Variants in TRPM3 observed in about 807,000 individuals in gnomAD.
TRPM3 encodes the protein long transient receptor potential channel 3.
In TRPM3, 77 loss-of-function variants were observed where a neutral mutation model predicts 181.2. The ratio of observed to expected loss-of-function variants is 0.42; its 90% CI spans 0.35 to 0.51. The LOEUF (loss-of-function observed/expected upper bound fraction) is 0.51. Among genes scored for constraint, TRPM3 ranks in the 20% least tolerant of loss-of-function variants. The probability of loss-of-function intolerance (pLI) is 0.01; values close to 1 mark genes in which losing one functional copy is unlikely to be tolerated. For synonymous variants in TRPM3, 745 were observed against 796.4 expected, an observed-to-expected ratio of 0.94 and a Z score of 1.09; for missense variants, 1,759 against 2,196.7, an observed-to-expected ratio of 0.80 and a Z score of 3.98.
intron 1 of TRPM3, among the ~76,000 whole-genome samples, chr9:70,906,451 T>C (rs1232514845): frequency 1.3e-5 from 2 of 152,166 alleles, no homozygotes; most frequent in Admixed American, 6.5e-5. Flanking sequence ...TCCTGCTTGT[T>C]AAATTAGTGC....
intron 1 of TRPM3, among the ~76,000 whole-genome samples, chr9:71,299,327 T>A (rs1018377603): frequency 6.6e-6 from 1 of 152,214 alleles, no homozygotes; most frequent in Non-Finnish European, 1.5e-5. Context: ...AAGACTTAAC[T>A]CTGTGCCCAG....
At chr9:70,830,684 T>C (rs567588564) in intron 5 of TRPM3, among the ~76,000 whole-genome samples, 4 of 152,242 alleles carry the variant, frequency 2.6e-5, no homozygotes, top group Non-Finnish European at 4.4e-5. Flanking sequence ...TCTGAACATA[T>C]GAATTGTGGA....
chr9:71,356,291 C>A (rs117824798), intron 1 of TRPM3, among the ~76,000 whole-genome samples: 1,849 of 152,180 alleles, frequency 0.012, 12 homozygotes, highest in Non-Finnish European at 0.018. Context: ...ATTTCATCAT[C>A]CTGGTGTTAA....
chr9:70,653,982 T>C (rs1326480585), intron 9 of TRPM3, among the ~76,000 whole-genome samples: 1 of 152,118 alleles, frequency 6.6e-6, no homozygotes, highest in Admixed American at 6.5e-5. Context: ...CCTTGTACTG[T>C]GAGGAGATTT....
At chr9:70,619,653 G>A (rs751569805) in intron 16 of TRPM3, among the ~76,000 whole-genome samples, 4 of 151,628 alleles carry the variant, frequency 2.6e-5, no homozygotes, top group African/African-American at 7.3e-5. Context: ...GGGCTCAAAC[G>A]ATCCACACAC....
chr9:70,537,724 G>A (rs907894162), intron 25 of TRPM3, among the ~76,000 whole-genome samples: 1 of 152,164 alleles, frequency 6.6e-6, no homozygotes, highest in Non-Finnish European at 1.5e-5. Context: ...AAATGGAACA[G>A]TTCTTATTGA....
chr9:70,635,724 A>G (rs2057078693), intron 11 of TRPM3, among the ~76,000 whole-genome samples: 1 of 151,940 alleles, frequency 6.6e-6, no homozygotes, highest in African/African-American at 2.4e-5. Flanking sequence ...AGCCTCCCAA[A>G]GTGCTGGGAT....
chr9:71,089,771 CG>C (rs1289155274), intron 1 of TRPM3, among the ~76,000 whole-genome samples: 1 of 152,024 alleles, frequency 6.6e-6, no homozygotes, highest in Non-Finnish European at 1.5e-5. Flanking sequence ...GGCCACTCAG[CG>C]GATGTCCTGA....
At chr9:70,591,725 C>G (rs933738456) in intron 21 of TRPM3, among the ~76,000 whole-genome samples, 1 of 151,590 alleles carries the variant, frequency 6.6e-6, no homozygotes, top group African/African-American at 2.4e-5. Context: ...CAAAACAAAA[C>G]AACAACAACA....
At chr9:70,578,146 A>G (rs1311264468) in intron 22 of TRPM3, among the ~76,000 whole-genome samples, 1 of 152,150 alleles carries the variant, frequency 6.6e-6, no homozygotes, top group Non-Finnish European at 1.5e-5. Context: ...ATCAGTAAAT[A>G]TAACTATTGA....
intron 1 of TRPM3, among the ~76,000 whole-genome samples, chr9:71,281,269 G>C (rs1292438217): frequency 1.3e-5 from 2 of 152,322 alleles, no homozygotes; most frequent in East Asian, 1.9e-4. Flanking sequence ...ACGGGATAAA[G>C]AAGAGGCAAA....
chr9:70,957,262 C>A (rs190833079), intron 1 of TRPM3, among the ~76,000 whole-genome samples: 6 of 152,118 alleles, frequency 3.9e-5, no homozygotes, highest in African/African-American at 1.2e-4. Context: ...CTGCGCCTGG[C>A]CAACATTTTA....
chr9:70,998,887 T>C (rs147625920), intron 1 of TRPM3, among the ~76,000 whole-genome samples: 19 of 152,316 alleles, frequency 1.2e-4, no homozygotes, highest in African/African-American at 4.1e-4. Context: ...TTCTCCTCTC[T>C]TATCCCCTGC....
chr9:70,873,518 T>A (rs975407776), intron 1 of TRPM3, among the ~76,000 whole-genome samples: 3 of 152,022 alleles, frequency 2.0e-5, no homozygotes, highest in Non-Finnish European at 4.4e-5. Flanking sequence ...TTATTGATTA[T>A]TCCCCTCATG....
At chr9:70,585,375 TTA>T (rs1262763011) in intron 22 of TRPM3, among the ~76,000 whole-genome samples, 2 of 152,170 alleles carry the variant, frequency 1.3e-5, no homozygotes, top group African/African-American at 4.8e-5. Context: ...CATCATGGCA[TTA>T]ACCATCACGG....
chr9:71,020,931 G>A (rs2097842435), intron 1 of TRPM3, among the ~76,000 whole-genome samples: 1 of 152,116 alleles, frequency 6.6e-6, no homozygotes, highest in South Asian at 2.1e-4. Context: ...GTATAAGAAT[G>A]TTTATAGCAA....
rs1357612569 is a variant in TRPM3, at chr9:70,613,891, C to A, written c.2526+2017G>T. 2.0e-5 allele frequency among the ~76,000 whole-genome samples: 3 copies of A among 152,036 alleles called. No individual in the cohort carries two copies. The East Asian group carries it at 5.8e-4, about 29-fold the overall frequency. ...CTCCCTTTGCTTTCTTCCTTGAGAC[C>A]CAACCAGAGAGAATGCTGATTCAGT... On this transcript the variant is annotated intron_variant, in intron 18 of 25. Transcript: ENST00000677713.
chr9:70,763,943 A>C (rs562951538), intron 7 of TRPM3, among the ~76,000 whole-genome samples: 1 of 152,306 alleles, frequency 6.6e-6, no homozygotes, highest in South Asian at 2.1e-4. Flanking sequence ...GGGTTGGGTA[A>C]GAGAATTAAC....
At chr9:70,964,186 T>C (rs1222618348) in intron 1 of TRPM3, among the ~76,000 whole-genome samples, 3 of 152,138 alleles carry the variant, frequency 2.0e-5, no homozygotes, top group Non-Finnish European at 2.9e-5. Context: ...GATTAAGATA[T>C]ATTTTCTACT....
Sources: gnomAD v4.1 joint callset for allele counts (sites outside exome capture counted in the v4.1 genomes callset) on GRCh38, gnomAD v4.1.1 for gene constraint, MANE v1.5 for transcripts, NCBI Gene and HGNC (gene_info 2026-07-23, HGNC 2026-07-21) for gene names.